The following CFAP20DC variants were observed in gnomAD, a reference collection of about 807,000 sequenced individuals.
CFAP20DC encodes the protein CFAP20 domain containing, also known as protein CFAP20DC.
Under a neutral mutation model 101.7 loss-of-function variants are expected in CFAP20DC, and 84 were observed. The ratio of observed to expected loss-of-function variants is 0.83; its 90% confidence interval spans 0.69 to 0.99. CFAP20DC has a LOEUF of 0.99. Among genes scored for constraint, CFAP20DC ranks in the 50% least tolerant of loss-of-function variants. The probability of loss-of-function intolerance (pLI) is 0.00; values close to 1 mark genes in which losing one functional copy is unlikely to be tolerated. For missense variants in CFAP20DC, 1,007 were observed against 970.3 expected, an observed-to-expected ratio of 1.04 and a Z score of -0.50; for synonymous variants, 359 against 351.2, an observed-to-expected ratio of 1.02 and a Z score of -0.25.
In CFAP20DC at chr3:58,721,965, C is replaced by A. The variant is rs748858244; in HGVS notation, c.198-4337G>T. Among the ~76,000 whole-genome samples, 15 of 152,226 alleles carry A rather than the reference C, an allele frequency of 9.9e-5. No homozygotes were observed. Among genetic ancestry groups the A allele is most frequent in the Non-Finnish European group, 1.8e-4 (12 of 68,048 alleles). ...AGCCTGGGCTGGCCTGAACTGTAAC[C>A]AAGAGGATGTGGTGGAAGAGAAGCT... On this transcript the variant is annotated intron_variant, in intron 3 of 3. Transcript: ENST00000486145. This position sits in a 1 kb window ranked among gnomAD's most constrained non-coding sequence, Gnocchi z 5.2.
chr3:58,810,444 G>C (rs1018117932), intron 14 of CFAP20DC, among the ~76,000 whole-genome samples: 1 of 152,070 alleles, frequency 6.6e-6, no homozygotes, highest in African/African-American at 2.4e-5. Flanking sequence ...CAGAACTGAA[G>C]ACAAAAACCA....
At chr3:58,809,684 G>A (rs1359888117) in intron 14 of CFAP20DC, among the ~76,000 whole-genome samples, 2 of 152,046 alleles carry the variant, frequency 1.3e-5, no homozygotes, top group Non-Finnish European at 2.9e-5. Flanking sequence ...CTAGCAGAAG[G>A]CAAGACATAA....
rs568159472 is a variant in CFAP20DC at position 58,793,419 on chromosome 3, T to G, written c.2237+12976A>C. ...CTGGTTGTTTTTGTTTGCTTCCATT[T>G]CTTCTGTTATTCCAGCAAAAGAAAC... On this transcript the variant is annotated intron_variant, in intron 15 of 16. Coordinates refer to ENST00000482387, the MANE Select transcript of CFAP20DC (RefSeq NM_001394063.1). Among the ~76,000 whole-genome samples, 28 of 152,312 alleles carry G rather than the reference T, an allele frequency of 1.8e-4. No individual in the cohort carries two copies. The East Asian group carries it at 5.0e-3, about 27-fold the overall frequency.
At chr3:58,810,909 A>G (rs1408049742) in intron 14 of CFAP20DC, among the ~76,000 whole-genome samples, 2 of 151,904 alleles carry the variant, frequency 1.3e-5, no homozygotes, top group Non-Finnish European at 1.5e-5. Flanking sequence ...ATACACCAAT[A>G]ACAGGCAAAC....
Position 58,765,503 on chromosome 3 carries a change from A to C in CFAP20DC, c.2238-11640T>G, listed in dbSNP as rs530279038. 3.2e-4 allele frequency among the ~76,000 whole-genome samples: 48 copies of C among 151,054 alleles called. No individual in the cohort carries two copies. In the East Asian group the frequency reaches 5.2e-3, roughly 16 times the overall value. ...AAAAAAAAAAACCAAAAAAAAAAAA[A>C]AAAACAAACAGAAACACAAAACATG... On this transcript the variant is annotated intron_variant, in intron 15 of 16. Coordinates refer to ENST00000482387, the MANE Select transcript of CFAP20DC (RefSeq NM_001394063.1).
At chr3:58,764,419 C>T (rs1022844616) in intron 15 of CFAP20DC, among the ~76,000 whole-genome samples, 2 of 152,284 alleles carry the variant, frequency 1.3e-5, no homozygotes, top group African/African-American at 4.8e-5. Flanking sequence ...ACCTGATCTT[C>T]CAGGTGCCAT....
intron 12 of CFAP20DC, chr3:58,862,766 C>G: frequency 1.0e-6 from 1 of 977,746 alleles, no homozygotes; most frequent in East Asian, 1.1e-4. Context: ...TTCACTAACC[C>G]TAAAGTTGTT....
chr3:58,819,857 C>T (rs1338550287), intron 14 of CFAP20DC, among the ~76,000 whole-genome samples: 1 of 148,852 alleles, frequency 6.7e-6, no homozygotes, highest in Admixed American at 6.7e-5. Flanking sequence ...AATTTTAGAC[C>T]AATATCCTTG....
intron 15 of CFAP20DC, among the ~76,000 whole-genome samples, chr3:58,758,772 G>A (rs1333181711): frequency 6.6e-6 from 1 of 152,044 alleles, no homozygotes; most frequent in African/African-American, 2.4e-5. Flanking sequence ...CCACCTATGA[G>A]GGAGAACATG....
In CFAP20DC at chr3:58,788,576, A is replaced by G. The variant is rs767307801; in HGVS notation, c.2237+17819T>C. On this transcript the variant is annotated intron_variant, in intron 15 of 16. Coordinates refer to ENST00000482387, the MANE Select transcript of CFAP20DC (RefSeq NM_001394063.1). The surrounding 1 kb of genome is among the most constrained non-coding windows in gnomAD (Gnocchi z 4.2). ...CCGTGCTGCATGTCTGGATGAACAC[A>G]TGGCTAGGCTGGGATTGTAGCAACA... is the stretch of plus-strand genomic sequence containing the variant. Among the ~76,000 whole-genome samples the G allele has an allele frequency of 7.9e-5, 12 of 152,262 alleles. No individual in the cohort carries two copies. Among genetic ancestry groups the G allele is most frequent in the Non-Finnish European group, 1.6e-4 (11 of 68,008 alleles).
intron 4 of CFAP20DC, among the ~76,000 whole-genome samples, chr3:59,020,819 T>A (rs1327642114): frequency 6.6e-6 from 1 of 152,094 alleles, no homozygotes; most frequent in Non-Finnish European, 1.5e-5. Flanking sequence ...GTTTGTTCTA[T>A]CCACATTCTG....
At chr3:58,891,811 A>G (rs2082282375) in intron 6 of CFAP20DC, among the ~76,000 whole-genome samples, 1 of 152,222 alleles carries the variant, frequency 6.6e-6, no homozygotes, top group Non-Finnish European at 1.5e-5. Context: ...TTAGTTTAAT[A>G]GAGCCCATTT....
At chr3:58,774,250 T>C (rs920781582) in intron 15 of CFAP20DC, among the ~76,000 whole-genome samples, 2 of 152,176 alleles carry the variant, frequency 1.3e-5, no homozygotes, top group Non-Finnish European at 2.9e-5. Context: ...CAATCTATGG[T>C]TTTCTTGATT....
intron 3 of CFAP20DC, among the ~76,000 whole-genome samples, chr3:59,045,322 T>A (rs1451373477): frequency 1.3e-5 from 2 of 152,010 alleles, no homozygotes; most frequent in South Asian, 4.1e-4. Flanking sequence ...TAGAGCTTCA[T>A]GCATGGTAGG....
intron 4 of CFAP20DC, among the ~76,000 whole-genome samples, chr3:58,977,325 C>T (rs2092320323): frequency 6.6e-6 from 1 of 152,104 alleles, no homozygotes; most frequent in African/African-American, 2.4e-5. Context: ...TAAATGGAAC[C>T]AAAATAACCA....
chr3:58,985,888 C>A (rs189659172), intron 4 of CFAP20DC, among the ~76,000 whole-genome samples: 1 of 152,150 alleles, frequency 6.6e-6, no homozygotes, highest in Non-Finnish European at 1.5e-5. Flanking sequence ...ATCTTTGTAT[C>A]GCCAGGGTCT....
intron 5 of CFAP20DC, among the ~76,000 whole-genome samples, chr3:58,921,636 A>G (rs1187620996): frequency 1.3e-5 from 2 of 152,220 alleles, no homozygotes; most frequent in African/African-American, 4.8e-5. Context: ...TTTGTTAAAT[A>G]TGGCCTAACA....
intron 4 of CFAP20DC, among the ~76,000 whole-genome samples, chr3:58,960,635 T>C (rs1456748975): frequency 6.6e-6 from 1 of 152,236 alleles, no homozygotes; most frequent in Admixed American, 6.5e-5. Context: ...TTTCATATTC[T>C]GCAACTTTGC....
intron 3 of CFAP20DC, among the ~76,000 whole-genome samples, chr3:58,718,780 G>A (rs2067430174): frequency 6.6e-6 from 1 of 152,126 alleles, no homozygotes; most frequent in African/African-American, 2.4e-5. Flanking sequence ...TGGTCCAATT[G>A]GCCTGCTCTT....
Sources: gnomAD v4.1 joint callset for allele counts (sites outside exome capture counted in the v4.1 genomes callset) on GRCh38, gnomAD v4.1.1 for gene constraint, Gnocchi (gnomAD v3.1) non-coding constraint, MANE v1.5 for transcripts, NCBI Gene and HGNC (gene_info 2026-07-23, HGNC 2026-07-21) for gene names.